Variants in DOCK10 observed in about 807,000 individuals in gnomAD.
DOCK10 encodes the protein dedicator of cytokinesis protein 10.
DOCK10 carries 145 observed loss-of-function variants against 280.1 expected under a neutral mutation model. The ratio of observed to expected loss-of-function variants is 0.52; its 90% CI spans 0.45 to 0.59. The LOEUF (loss-of-function observed/expected upper bound fraction) is 0.59. DOCK10 is among the 20% of genes least tolerant of loss of function. The pLI, the probability that DOCK10 is intolerant of heterozygous loss-of-function variation, is 0.00. For synonymous variants in DOCK10, 915 were observed against 942.2 expected, an observed-to-expected ratio of 0.97 and a Z score of 0.53; for missense variants, 2,368 against 2,651.7, an observed-to-expected ratio of 0.89 and a Z score of 2.35.
chr2:224,932,273 A>G (rs1702428781), intron 1 of DOCK10, among the ~76,000 whole-genome samples: 1 of 152,184 alleles, frequency 6.6e-6, no homozygotes, highest in Non-Finnish European at 1.5e-5. Context: ...ATGAAAATGG[A>G]TAAGTGAAAA....
At chr2:224,983,683 C>T (rs921395463) in intron 1 of DOCK10, 2 of 455,632 alleles carry the variant, frequency 4.4e-6, no homozygotes. Flanking sequence ...TAATCTGTCA[C>T]AACACAGCAT....
intron 14 of DOCK10, chr2:224,861,549 C>T (rs1163118075): frequency 6.6e-6 from 1 of 152,232 alleles, no homozygotes; most frequent in African/African-American, 2.4e-5. Context: ...CCTACACCTA[C>T]TCATCTCCAA....
chr2:224,770,609 G>A lies in DOCK10; in HGVS notation c.6241C>T (p.Leu2081Phe). The A allele has an allele frequency of 2.5e-6, 4 of 1,613,976 alleles. No individual in the cohort carries two copies. The highest frequency in any genetic ancestry group is 1.3e-5 in the African/African-American group (1 of 75,066). The part of the protein sequence containing the change: ...AGPMAYARAF[L>F]EETNAKKYPD... ...TACTTCTTTGCATTGGTTTCTTCAAGAAAAGCTCGTGCATAGGCCATTGGC... is the reference window on the plus strand; with the variant it reads ...TACTTCTTTGCATTGGTTTCTTCAAAAAAAGCTCGTGCATAGGCCATTGGC... Residue 2081 changes from leucine to phenylalanine, a missense_variant, in exon 54 of 56, where the codon CTT (leucine) becomes TTT (phenylalanine). By Grantham distance (22) the Leu-to-Phe change is conservative. This residue lies in a region of DOCK10 where 1,159 missense variants were observed against 1,400.8 expected (regional missense o/e 0.83). Coordinates refer to ENST00000258390, the MANE Select transcript of DOCK10 (RefSeq NM_014689.3). The surrounding 1 kb of genome is among the most constrained non-coding windows in gnomAD (Gnocchi z 4.5).
At chr2:224,929,587 G>C (rs1375707785) in intron 2 of DOCK10, among the ~76,000 whole-genome samples, 1 of 152,162 alleles carries the variant, frequency 6.6e-6, no homozygotes, top group Non-Finnish European at 1.5e-5. Context: ...CAGTGGGGGA[G>C]CCACAGAAGG....
At chr2:224,838,412 C>T (rs1043975817) in intron 24 of DOCK10, among the ~76,000 whole-genome samples, 1 of 152,272 alleles carries the variant, frequency 6.6e-6, no homozygotes, top group East Asian at 1.9e-4. Flanking sequence ...ACCAGCTGCT[C>T]CATGGCTATA....
intron 3 of DOCK10, among the ~76,000 whole-genome samples, chr2:224,910,780 T>C (rs1468148047): frequency 6.6e-6 from 1 of 152,204 alleles, no homozygotes; most frequent in African/African-American, 2.4e-5. Context: ...ACTATTCATG[T>C]TCCATTATCA....
intron 1 of DOCK10, among the ~76,000 whole-genome samples, chr2:224,942,203 AT>A (rs1703131571): frequency 1.3e-5 from 2 of 152,188 alleles, no homozygotes; most frequent in South Asian, 4.1e-4. Context: ...TCCCATTTCC[AT>A]TTTGGAAGCA....
chr2:225,011,344 T>G (rs1278192788), intron 1 of DOCK10, among the ~76,000 whole-genome samples: 3 of 152,206 alleles, frequency 2.0e-5, no homozygotes, highest in Non-Finnish European at 4.4e-5. Context: ...GTATTCATGC[T>G]GGAAGTTTCA....
chr2:224,804,332 T>C lies in DOCK10; in HGVS notation c.4167-119A>G, dbSNP rs930886733. On this transcript the variant is annotated intron_variant, in intron 38 of 55. Coordinates refer to ENST00000258390, the MANE Select transcript of DOCK10 (RefSeq NM_014689.3). Reference sequence around the variant, plus strand: ...AAATATTTCACATGCTGTGAATTAATCAAAAATAAAACCCTGTTTTCTTTC... The same window carrying C: ...AAATATTTCACATGCTGTGAATTAACCAAAAATAAAACCCTGTTTTCTTTC... 12 of 591,724 alleles carry C rather than the reference T, an allele frequency of 2.0e-5. No homozygotes were observed. In the Admixed American group the frequency reaches 3.9e-4, roughly 19 times the overall value. 36.7% of individuals were successfully genotyped at this position (591,724 alleles called of 1,614,324 possible). A position where few individuals can be genotyped will look rare whatever the true frequency, so the allele number is the denominator to read the frequency against.
chr2:224,910,489 G>A (rs900372318), intron 3 of DOCK10, among the ~76,000 whole-genome samples: 6 of 152,138 alleles, frequency 3.9e-5, no homozygotes, highest in Non-Finnish European at 8.8e-5. Context: ...GTCTATTCCT[G>A]GTTGTCTAAT....
chr2:224,994,971 T>C (rs1314105743), intron 1 of DOCK10, among the ~76,000 whole-genome samples: 1 of 152,172 alleles, frequency 6.6e-6, no homozygotes. Flanking sequence ...GCACACAAGA[T>C]GTTGACTGGG....
At chr2:224,921,654 C>T (rs992249103) in intron 2 of DOCK10, among the ~76,000 whole-genome samples, 1 of 152,162 alleles carries the variant, frequency 6.6e-6, no homozygotes, top group Non-Finnish European at 1.5e-5. Flanking sequence ...AAATCTAAAA[C>T]ATTATTTTAC....
At chr2:224,849,984 G>A (rs975148665) in intron 18 of DOCK10, among the ~76,000 whole-genome samples, 10 of 152,156 alleles carry the variant, frequency 6.6e-5, no homozygotes, top group Non-Finnish European at 1.2e-4. Flanking sequence ...CCTAAAAAAT[G>A]AGATGCGGGC....
chr2:224,793,891 TAAA>T (rs1692376880), intron 45 of DOCK10, among the ~76,000 whole-genome samples: 1 of 152,204 alleles, frequency 6.6e-6, no homozygotes, highest in Admixed American at 6.5e-5. Context: ...GTGTTGCCTT[TAAA>T]ATGGTCACCT....
chr2:224,796,839 G>T, intron 43 of DOCK10, 125 bp downstream of exon 43: 1 of 815,282 alleles, frequency 1.2e-6, no homozygotes, highest in Non-Finnish European at 2.0e-6. Context: ...TGCTGTGGGC[G>T]TCTTTAAGGA....
chr2:224,799,612 T>C (rs977706558), intron 41 of DOCK10, among the ~76,000 whole-genome samples: 19 of 152,214 alleles, frequency 1.2e-4, no homozygotes, highest in Admixed American at 9.8e-4. Flanking sequence ...CCAACATGTT[T>C]TTACCATTTC....
chr2:224,887,316 T>C (rs1255763305), intron 4 of DOCK10, among the ~76,000 whole-genome samples: 1 of 152,130 alleles, frequency 6.6e-6, no homozygotes, highest in African/African-American at 2.4e-5. Flanking sequence ...CTGTGGCCAC[T>C]AGGCTGTGTT....
intron 31 of DOCK10, among the ~76,000 whole-genome samples, chr2:224,811,258 T>G (rs1446972153): frequency 6.6e-6 from 1 of 152,244 alleles, no homozygotes. Flanking sequence ...TTTTTTCGTG[T>G]GTTTTTTGGC....
intron 1 of DOCK10, among the ~76,000 whole-genome samples, chr2:225,016,260 A>T (rs111880436): frequency 0.024 from 3,619 of 152,222 alleles, 59 homozygotes; most frequent in South Asian, 0.058. Flanking sequence ...TTAGATGTCA[A>T]AAGTTTCTGT....
Sources: allele counts gnomAD v4.1 joint callset (sites outside exome capture counted in the v4.1 genomes callset), GRCh38; gene constraint gnomAD v4.1.1; regional missense constraint gnomAD v4.1.1; non-coding constraint Gnocchi (gnomAD v3.1); transcripts MANE v1.5; gene names NCBI Gene and HGNC (gene_info 2026-07-23, HGNC 2026-07-21).